TCF12: variants seen among roughly 807,000 people sequenced by gnomAD.
TCF12 encodes transcription factor 12.
A neutral mutation model predicts 86.0 loss-of-function variants in TCF12; 45 were observed. The ratio of observed to expected loss-of-function variants is 0.52; its 90% CI spans 0.41 to 0.67. TCF12 has a LOEUF of 0.67. Ranked by LOEUF, TCF12 falls within the 30% of genes least tolerant of loss-of-function variation. TCF12 has a pLI of 0.00. For synonymous variants in TCF12, 330 were observed against 299.6 expected, an observed-to-expected ratio of 1.10 and a Z score of -1.05; for missense variants, 881 against 859.9, an observed-to-expected ratio of 1.02 and a Z score of -0.31.
chr15:57,170,640 AT>A lies in TCF12; in HGVS notation c.390+4175del, dbSNP rs1193023575. ...TGCCCTGCTAATTTTATATATATAT[AT>A]AATATATATATTATATAAAATATAT... On this transcript the variant is annotated intron_variant, in intron 6 of 20. Transcript: ENST00000333725. 1.2e-4 allele frequency among the ~76,000 whole-genome samples: 4 copies of A among 32,046 alleles called. 1 individual carries two copies. The African/African-American group carries it at 2.1e-3, about 17-fold the overall frequency. 21.0% of individuals were successfully genotyped at this position (32,046 alleles called of 152,430 possible). A position where few individuals can be genotyped will look rare whatever the true frequency, so the allele number is the denominator to read the frequency against.
intron 19 of TCF12, among the ~76,000 whole-genome samples, chr15:57,276,367 A>T (rs1441391299): frequency 6.6e-6 from 1 of 152,202 alleles, no homozygotes; most frequent in Non-Finnish European, 1.5e-5. Context: ...TCTTTCCTAC[A>T]TCCCCACTAA....
intron 5 of TCF12, among the ~76,000 whole-genome samples, chr15:57,154,556 A>G (rs1186885470): frequency 2.0e-5 from 3 of 152,152 alleles, no homozygotes; most frequent in Admixed American, 6.5e-5. Flanking sequence ...CTGTTCTTTT[A>G]TGTTTCGACT....
chr15:57,243,215 T>TATTTCTAACAGAAA (rs2059710817), intron 12 of TCF12, among the ~76,000 whole-genome samples: 1 of 152,226 alleles, frequency 6.6e-6, no homozygotes, highest in Non-Finnish European at 1.5e-5. Context: ...ACAGAAACTT[T>TATTTCTAACAGAAA]AAGTTATTTT....
chr15:56,951,455 G>T lies in TCF12; in HGVS notation c.148+30357G>T, dbSNP rs138816369. 2.9e-3 allele frequency among the ~76,000 whole-genome samples: 436 copies of T among 152,014 alleles called. 2 individuals are homozygous for T. The highest frequency in any genetic ancestry group is 0.01 in the Middle Eastern group (3 of 294). On this transcript the variant is annotated intron_variant, in intron 3 of 20. Coordinates refer to ENST00000333725, the MANE Select transcript of TCF12 (RefSeq NM_207037.2). ...TGTATTCTGGGTACAAGTCCTTTAC[G>T]AGATACATGGTTTACAGATATTTTC...
At chr15:57,027,935 G>C (rs371586633) in intron 3 of TCF12, among the ~76,000 whole-genome samples, 1 of 152,026 alleles carries the variant, frequency 6.6e-6, no homozygotes, top group Non-Finnish European at 1.5e-5. Context: ...CCCTAGGCAT[G>C]TGGAACTGTG....
intron 9 of TCF12, 68 bp downstream of exon 9, chr15:57,231,325 A>G: frequency 8.0e-7 from 1 of 1,243,054 alleles, no homozygotes; most frequent in Non-Finnish European, 1.2e-6. Flanking sequence ...ATTTTAAAGT[A>G]TTAGGAAAGA....
intron 4 of TCF12, among the ~76,000 whole-genome samples, chr15:57,071,252 G>GAA (rs200706690): frequency 1.0e-3 from 134 of 133,644 alleles, no homozygotes; most frequent in African/African-American, 3.5e-3. Context: ...ACAAAAAATA[G>GAA]AAAAAAAAAA....
Position 57,221,383 on chromosome 15 carries a change from GGTGT to G in TCF12, c.580-9743_580-9740del, listed in dbSNP as rs144351636. On this transcript the variant is annotated intron_variant, in intron 8 of 20. Coordinates refer to ENST00000333725, the MANE Select transcript of TCF12 (RefSeq NM_207037.2). Reference sequence around the variant, plus strand: ...ACATGGTATGTGGGTATGTGTGTGGGGTGTGTGTGTGTGTGTGTGTGTGTGTGTG... The same window carrying G: ...ACATGGTATGTGGGTATGTGTGTGGGGTGTGTGTGTGTGTGTGTGTGTGTG... Among the ~76,000 whole-genome samples the G allele has an allele frequency of 5.6e-3, 831 of 148,704 alleles. 14 individuals carry two copies. The highest frequency in any genetic ancestry group is 0.019 in the African/African-American group (761 of 40,392).
chr15:57,247,734 C>G (rs1597612360), intron 13 of TCF12: 6 of 731,588 alleles, frequency 8.2e-6, no homozygotes, highest in Non-Finnish European at 1.5e-5. Context: ...CTCTTTGGTT[C>G]CACTACACAC....
intron 5 of TCF12, among the ~76,000 whole-genome samples, chr15:57,128,210 A>G (rs1014672359): frequency 2.0e-5 from 3 of 152,112 alleles, no homozygotes; most frequent in Non-Finnish European, 4.4e-5. Context: ...TGATTTTCCT[A>G]CTGTACATCT....
At chr15:57,138,536 TC>T (rs2052721793) in intron 5 of TCF12, among the ~76,000 whole-genome samples, 1 of 40,188 alleles carries the variant, frequency 2.5e-5, no homozygotes, top group African/African-American at 9.9e-5. Context: ...CAGATCTGTT[TC>T]CTATCTAACC....
At position 57,232,388 on chromosome 15, in the gene TCF12, T is replaced by C; in HGVS notation, c.783T>C (p.Ser261=). 2 of 1,612,842 alleles carry C rather than the reference T, an allele frequency of 1.2e-6. No homozygotes were observed. Among genetic ancestry groups the C allele is most frequent in the African/African-American group, 1.3e-5 (1 of 74,894 alleles). The change falls in exon 10 of 21, where the codon TCT becomes TCC. Residue 261 remains serine (S), a synonymous_variant. Transcript: ENST00000333725. ...GILGTSTSHM[S]QSSSYGNLHS... ...TGGGGACCTCCACTTCCCACATGTC[T>C]CAATCCAGTAGTTATGGCAACCTTC...
At position 56,919,976 on chromosome 15, in the gene TCF12, G is replaced by T. The variant is rs551255130; in HGVS notation, c.63G>T (p.Leu21=). The change falls in exon 2 of 21, where the codon CTG becomes CTT. Residue 21 remains leucine (L), a synonymous_variant. Coordinates refer to ENST00000333725, the MANE Select transcript of TCF12 (RefSeq NM_207037.2). ...IGTDKELSDL[L]DFSAMFSPPV... ...CCGACAAGGAGCTGAGCGACCTACT[G>T]GACTTCAGTGCGGTATGAGAGCTTT... is the stretch of plus-strand genomic sequence containing the variant. 6.2e-7 allele frequency: 1 copy of T among 1,614,044 alleles called. No homozygotes were observed. Among genetic ancestry groups the T allele is most frequent in the African/African-American group, 1.3e-5 (1 of 75,008 alleles).
intron 19 of TCF12, chr15:57,278,699 T>TCTCCCTCCCTCCCTCCCC (rs2061519996): frequency 6.6e-6 from 1 of 152,294 alleles, no homozygotes; most frequent in African/African-American, 3.0e-5. Flanking sequence ...TCTCCCTCTC[T>TCTCCCTCCCTCCCTCCCC]CTCCCTCCCT....
chr15:57,242,030 A>G (rs1448547944), intron 12 of TCF12, among the ~76,000 whole-genome samples: 1 of 135,026 alleles, frequency 7.4e-6, no homozygotes, highest in East Asian at 2.2e-4. Context: ...TGTGACTTGT[A>G]TAGTTTTGTT....
chr15:57,221,383 G>GGGGTGT lies in TCF12; in HGVS notation c.580-9768_580-9767insGGTGTG, dbSNP rs1555399492. 1.7e-3 allele frequency among the ~76,000 whole-genome samples: 252 copies of GGGGTGT among 148,742 alleles called. 2 individuals carry two copies. The highest frequency in any genetic ancestry group is 1.6e-3 in the African/African-American group (66 of 40,402). ...ACATGGTATGTGGGTATGTGTGTGG[G>GGGGTGT]GTGTGTGTGTGTGTGTGTGTGTGTG... On this transcript the variant is annotated intron_variant, in intron 8 of 20. Coordinates refer to ENST00000333725, the MANE Select transcript of TCF12 (RefSeq NM_207037.2).
At chr15:57,152,867 C>T (rs530483863) in intron 5 of TCF12, among the ~76,000 whole-genome samples, 2 of 152,142 alleles carry the variant, frequency 1.3e-5, no homozygotes, top group Non-Finnish European at 2.9e-5. Flanking sequence ...CACACACACA[C>T]ACACACCACA....
intron 3 of TCF12, among the ~76,000 whole-genome samples, chr15:57,063,006 G>T (rs1407290126): frequency 1.3e-5 from 2 of 152,176 alleles, no homozygotes; most frequent in African/African-American, 4.8e-5. Flanking sequence ...ATTCGGAGGT[G>T]AAAATAATGG....
chr15:57,206,524 A>G (rs1566914690), intron 8 of TCF12, among the ~76,000 whole-genome samples: 1 of 151,802 alleles, frequency 6.6e-6, no homozygotes, highest in Non-Finnish European at 1.5e-5. Context: ...TAAAAATAAA[A>G]TTAAATACTT....
Sources: allele counts gnomAD v4.1 joint callset (sites outside exome capture counted in the v4.1 genomes callset), GRCh38; gene constraint gnomAD v4.1.1; transcripts MANE v1.5; gene names NCBI Gene and HGNC (gene_info 2026-07-23, HGNC 2026-07-21).